TEX9: variants seen among roughly 807,000 people sequenced by gnomAD.
TEX9 encodes the protein testis-expressed protein 9.
TEX9 carries 74 observed loss-of-function variants against 59.6 expected under a neutral mutation model. That is an observed-to-expected ratio of 1.24 (90% CI 1.03 to 1.51). The LOEUF (loss-of-function observed/expected upper bound fraction) is 1.51, where lower values mean the gene tolerates loss of function less well. Among genes scored for constraint, TEX9 ranks in the 40% most tolerant of loss-of-function variants. TEX9 has a pLI of 0.00. For synonymous variants in TEX9, 186 were observed against 152.2 expected, an observed-to-expected ratio of 1.22 and a Z score of -1.64; for missense variants, 522 against 447.8, an observed-to-expected ratio of 1.17 and a Z score of -1.49.
Position 56,412,298 on chromosome 15 carries a change from A to G in TEX9, c.829-4A>G. The G allele has an allele frequency of 1.3e-6, 2 of 1,599,116 alleles. No individual in the cohort carries two copies. The highest frequency in any genetic ancestry group is 1.7e-6 in the Non-Finnish European group (2 of 1,175,794). On this transcript the variant is annotated splice_region_variant and splice_polypyrimidine_tract_variant and intron_variant, in intron 9 of 12. Transcript: ENST00000352903. ...AATGTTCCATAATCTTTTTTACTAT[A>G]CAGGAATTAGAAAATAAAAGAAGAC...
intron 1 of TEX9, among the ~76,000 whole-genome samples, chr15:56,317,193 T>C (rs78475411): frequency 6.6e-6 from 1 of 152,242 alleles, no homozygotes; most frequent in African/African-American, 2.4e-5. Flanking sequence ...GGGAAGTTTT[T>C]AATTATTATT....
chr15:56,316,552 A>C (rs1258513120), intron 1 of TEX9, among the ~76,000 whole-genome samples: 1 of 151,196 alleles, frequency 6.6e-6, no homozygotes, highest in Non-Finnish European at 1.5e-5. Flanking sequence ...GCTCTCTTCA[A>C]AGCTGTCAGA....
chr15:56,294,476 C>T (rs1335024854), intron 1 of TEX9, among the ~76,000 whole-genome samples: 2 of 152,162 alleles, frequency 1.3e-5, no homozygotes, highest in Non-Finnish European at 2.9e-5. Flanking sequence ...TCAACTAATG[C>T]ACATATTTAC....
At chr15:56,419,898 C>T (rs1160079037) in intron 10 of TEX9, among the ~76,000 whole-genome samples, 1 of 151,800 alleles carries the variant, frequency 6.6e-6, no homozygotes, top group Non-Finnish European at 1.5e-5. Context: ...CCGTCTGGGC[C>T]TGAGGTTTTC....
At chr15:56,364,407 C>T (rs1038065412), upstream of TEX9, among the ~76,000 whole-genome samples, 3 of 151,776 alleles carry the variant, frequency 2.0e-5, no homozygotes, top group African/African-American at 7.3e-5. Flanking sequence ...CCCGCCTTGG[C>T]CTCCCAAAGT....
At chr15:56,278,072 G>A (rs535323726) in intron 1 of TEX9, among the ~76,000 whole-genome samples, 1 of 151,454 alleles carries the variant, frequency 6.6e-6, no homozygotes, top group East Asian at 1.9e-4. Context: ...TATAGATTCT[G>A]GTACTGCATT....
At chr15:56,433,460 T>A (rs757555371) in intron 12 of TEX9, among the ~76,000 whole-genome samples, 7 of 152,052 alleles carry the variant, frequency 4.6e-5, no homozygotes, top group Non-Finnish European at 7.4e-5. Context: ...ATGACAGTAT[T>A]ATTTATTAGG....
intron 1 of TEX9, among the ~76,000 whole-genome samples, chr15:56,246,611 C>T (rs1241713381): frequency 2.6e-5 from 4 of 152,202 alleles, no homozygotes; most frequent in African/African-American, 9.7e-5. Flanking sequence ...GTACTGAGGA[C>T]CCTCAAGGAC....
intron 1 of TEX9, among the ~76,000 whole-genome samples, chr15:56,265,308 A>G (rs923728527): frequency 1.3e-4 from 20 of 151,524 alleles, no homozygotes; most frequent in Non-Finnish European, 2.9e-4. Context: ...CTGAAACTAC[A>G]GGAATGTGCT....
chr15:56,359,234 A>T (rs77429380), intron 1 of TEX9, among the ~76,000 whole-genome samples: 1 of 152,170 alleles, frequency 6.6e-6, no homozygotes, highest in Non-Finnish European at 1.5e-5. Flanking sequence ...CATGTCAACC[A>T]TATTTTAATT....
chr15:56,428,441 A>C, exon 12 of TEX9: 1 of 1,608,788 alleles, frequency 6.2e-7, no homozygotes. Flanking sequence ...GGGGAAATTC[A>C]TAAGTGATCT....
intron 12 of TEX9, chr15:56,443,828 A>AT (rs1195613448): frequency 6.2e-7 from 1 of 1,602,636 alleles, no homozygotes; most frequent in South Asian, 1.1e-5. Flanking sequence ...CATTGCATTC[A>AT]TTTTTTCTAA....
upstream of TEX9, among the ~76,000 whole-genome samples, chr15:56,365,073 T>G (rs182480542): frequency 2.1e-3 from 318 of 152,336 alleles, no homozygotes; most frequent in South Asian, 6.0e-3. Flanking sequence ...AGAGCTCACT[T>G]TAAGCAAACG....
chr15:56,329,456 G>A (rs537371302), intron 1 of TEX9, among the ~76,000 whole-genome samples: 14 of 152,184 alleles, frequency 9.2e-5, no homozygotes, highest in Admixed American at 2.6e-4. Context: ...ATTTAGTTCC[G>A]GGATAAATCG....
At chr15:56,436,213 A>T (rs981778678) in intron 12 of TEX9, among the ~76,000 whole-genome samples, 3 of 152,068 alleles carry the variant, frequency 2.0e-5, no homozygotes, top group South Asian at 2.1e-4. Context: ...GAAGTAAAGC[A>T]CTCCTCAGCA....
At chr15:56,264,960 T>C (rs1337722227) in intron 1 of TEX9, among the ~76,000 whole-genome samples, 3 of 152,202 alleles carry the variant, frequency 2.0e-5, no homozygotes, top group Non-Finnish European at 4.4e-5. Flanking sequence ...CTGTTGTTTA[T>C]GTCTGTCCTT....
intron 1 of TEX9, among the ~76,000 whole-genome samples, chr15:56,304,616 T>C (rs1475305654): frequency 2.0e-5 from 3 of 152,230 alleles, no homozygotes; most frequent in African/African-American, 7.2e-5. Context: ...ATGGTCATAG[T>C]CATGATGAAT....
intron 1 of TEX9, among the ~76,000 whole-genome samples, chr15:56,319,594 T>G (rs1230360616): frequency 4.6e-5 from 7 of 152,178 alleles, no homozygotes; most frequent in Non-Finnish European, 5.9e-5. Flanking sequence ...TGTTGAAACT[T>G]CATTTTCTTC....
chr15:56,254,948 CTA>C (rs1342323518), intron 1 of TEX9, among the ~76,000 whole-genome samples: 1 of 151,678 alleles, frequency 6.6e-6, no homozygotes, highest in Non-Finnish European at 1.5e-5. Context: ...GAAAGGATGA[CTA>C]TAGGATAAAT....
Sources: gnomAD v4.1 joint callset for allele counts (sites outside exome capture counted in the v4.1 genomes callset) on GRCh38, gnomAD v4.1.1 for gene constraint, MANE v1.5 for transcripts, NCBI Gene and HGNC (gene_info 2026-07-23, HGNC 2026-07-21) for gene names.